SLCO4A1: variants seen among roughly 807,000 people sequenced by gnomAD.
The protein encoded by SLCO4A1 is colon organic anion transporter.
SLCO4A1 carries 51 observed loss-of-function variants against 64.6 expected under a neutral mutation model. That is an observed-to-expected ratio of 0.79 (90% CI 0.63 to 1.00). The LOEUF (loss-of-function observed/expected upper bound fraction) is 1.00. Among genes scored for constraint, SLCO4A1 ranks in the 50% least tolerant of loss-of-function variants. The probability of loss-of-function intolerance (pLI) is 0.00; values close to 1 mark genes in which losing one functional copy is unlikely to be tolerated. For synonymous variants in SLCO4A1, 471 were observed against 444.9 expected (o/e 1.06, Z -0.74); for missense variants, 919 against 980.5 (o/e 0.94, Z 0.84).
At chr20:62,682,183 CTT>C (rs1214390906) in intron 2 of SLCO4A1, among the ~76,000 whole-genome samples, 1 of 152,206 alleles carries the variant, frequency 6.6e-6, no homozygotes, top group African/African-American at 2.4e-5. Flanking sequence ...GCAGATAACT[CTT>C]CAGTTCACAG....
intron 3 of SLCO4A1, 33 bp from the exon 4 acceptor site, chr20:62,660,379 A>G (rs1381853864): frequency 1.3e-6 from 2 of 1,593,328 alleles, no homozygotes; most frequent in Non-Finnish European, 1.7e-6. Context: ...GGTGGGCTGC[A>G]CGCTGACCCA....
chr20:62,672,629 C>G (rs887370332), downstream of SLCO4A1: 4 of 152,212 alleles, frequency 2.6e-5, no homozygotes, highest in East Asian at 7.7e-4. Flanking sequence ...GTTACATTTC[C>G]CTCGTTATTC....
At chr20:62,660,955 C>A in intron 4 of SLCO4A1, 109 bp from the exon 5 acceptor site, 2 of 751,194 alleles carry the variant, frequency 2.7e-6, no homozygotes, top group Non-Finnish European at 2.2e-6. Flanking sequence ...CAGACAGTGA[C>A]GTTCCCAGAC....
intron 11 of SLCO4A1, among the ~76,000 whole-genome samples, chr20:62,669,425 G>A (rs2147104976): frequency 6.6e-6 from 1 of 152,372 alleles, no homozygotes; most frequent in African/African-American, 2.4e-5. Context: ...GAAATAAGAA[G>A]TGGCTGCTCC....
At position 62,661,104 on chromosome 20, in the gene SLCO4A1, C is replaced by G. The variant is rs1169402873; in HGVS notation, c.1050C>G (p.His350Gln). The G allele has an allele frequency of 6.7e-7, 1 of 1,489,090 alleles. No homozygotes were observed. The highest frequency in any genetic ancestry group is 9.1e-7 in the Non-Finnish European group (1 of 1,100,730). The allele number at this position is 1,489,090 out of a possible 1,614,324, so 92.2% of individuals were successfully genotyped here. The change falls in exon 5 of 12, where the codon CAC becomes CAG. Residue 350 changes from histidine to glutamine, a missense_variant. Transcript: ENST00000217159. The surrounding 1 kb of genome is among the most constrained non-coding windows in gnomAD (Gnocchi z 5.2). ...RYAVMRAAEM[H>Q]QLKDSSRGEA... is the part of the protein sequence containing the mutation. ...CGGTCATGAGAGCGGCGGAAATGCACCAGTTGAAGGACAGCAGCCGTGGGG... is the reference window on the plus strand; with the variant it reads ...CGGTCATGAGAGCGGCGGAAATGCAGCAGTTGAAGGACAGCAGCCGTGGGG...
intron 1 of SLCO4A1, 35 bp downstream of exon 1, chr20:62,642,588 G>T: frequency 5.2e-6 from 1 of 190,688 alleles, no homozygotes; most frequent in Non-Finnish European, 1.1e-5. Flanking sequence ...TGGCGCGGGT[G>T]CACAGGGCCC....
chr20:62,684,415 C>T lies in SLCO4A1; in HGVS notation n.212-1026C>T, dbSNP rs879461882. Among the ~76,000 whole-genome samples, 7 of 152,310 alleles carry T rather than the reference C, an allele frequency of 4.6e-5. No individual in the cohort carries two copies. In the South Asian group the frequency reaches 8.3e-4, roughly 18 times the overall value. ...CCGAGGCACAAGGAGCTGATTGGCCCGTGATGGCCTCAGAGCTCATCAGCC... is the reference window on the plus strand; with the variant it reads ...CCGAGGCACAAGGAGCTGATTGGCCTGTGATGGCCTCAGAGCTCATCAGCC... On this transcript the variant is annotated intron_variant and non_coding_transcript_variant, in intron 2 of 2. Coordinates refer to the SLCO4A1 transcript ENST00000466818.
chr20:62,685,492 T>C lies in SLCO4A1; in HGVS notation n.263T>C. ...GTAAACCCCATCTGAGCCTTACACA[T>C]AGATCTCCTTGAATTGGATTTTCAC... is the stretch of plus-strand genomic sequence containing the variant. On this transcript the variant is annotated non_coding_transcript_exon_variant, in exon 3 of 3. Transcript: ENST00000466818. The surrounding 1 kb of genome is among the most constrained non-coding windows in gnomAD (Gnocchi z 4.6). The C allele has an allele frequency of 4.1e-6, 4 of 972,500 alleles. No individual in the cohort carries two copies. Among genetic ancestry groups the C allele is most frequent in the Non-Finnish European group, 4.9e-6 (4 of 818,122 alleles). 60.2% of individuals were successfully genotyped at this position (972,500 alleles called of 1,614,324 possible). A position where few individuals can be genotyped will look rare whatever the true frequency, so the allele number is the denominator to read the frequency against.
chr20:62,642,949 G>A, intron 1 of SLCO4A1: 1 of 464,956 alleles, frequency 2.2e-6, no homozygotes, highest in South Asian at 1.6e-5. Flanking sequence ...GCAGGCGCAG[G>A]CCCCACAGAT....
At chr20:62,660,319 G>A (rs1984524938) in intron 3 of SLCO4A1, 93 bp from the exon 4 acceptor site, 3 of 1,480,016 alleles carry the variant, frequency 2.0e-6, no homozygotes, top group Non-Finnish European at 2.7e-6. Flanking sequence ...CTGGAGGTCT[G>A]CCCGGAGGAG....
At chr20:62,658,228 C>T (rs182965435) in intron 2 of SLCO4A1, among the ~76,000 whole-genome samples, 1 of 152,234 alleles carries the variant, frequency 6.6e-6, no homozygotes, top group Non-Finnish European at 1.5e-5. Flanking sequence ...AGAACCCAGG[C>T]GGGTGTTGAG....
chr20:62,661,911 C>T lies in SLCO4A1; in HGVS notation c.1121+736C>T, dbSNP rs1295469887. On this transcript the variant is annotated intron_variant, in intron 5 of 11. Transcript: ENST00000217159. The surrounding 1 kb of genome is among the most constrained non-coding windows in gnomAD (Gnocchi z 5.2). ...TCCCGGCCTCTCCTGGGGATCATGC[C>T]TTCCCTGGGGGGCTCTCCCCAGGGC... Among the ~76,000 whole-genome samples the T allele has an allele frequency of 1.3e-5, 2 of 152,192 alleles. No homozygotes were observed. The highest frequency in any genetic ancestry group is 2.0e-4 in the East Asian group (1 of 5,122).
chr20:62,684,687 T>C (rs1212988111), intron 2 of SLCO4A1, among the ~76,000 whole-genome samples: 1 of 151,434 alleles, frequency 6.6e-6, no homozygotes, highest in African/African-American at 2.4e-5. Flanking sequence ...ACTCCCTCCC[T>C]CAAGTTTCCT....
chr20:62,669,278 G>A (rs1986909732), intron 11 of SLCO4A1, among the ~76,000 whole-genome samples, 200 bp downstream of exon 11: 2 of 152,194 alleles, frequency 1.3e-5, no homozygotes, highest in South Asian at 2.1e-4. Context: ...CCTCCTCCTG[G>A]GGTTCACTGT....
intron 3 of SLCO4A1, among the ~76,000 whole-genome samples, chr20:62,659,224 C>T (rs563053958): frequency 6.6e-6 from 1 of 152,176 alleles, no homozygotes; most frequent in South Asian, 2.1e-4. Context: ...GATAGAGATA[C>T]AGAGGGACAG....
chr20:62,681,551 A>T (rs2427376), intron 2 of SLCO4A1, among the ~76,000 whole-genome samples: 1 of 146,968 alleles, frequency 6.8e-6, no homozygotes, highest in South Asian at 2.2e-4. Flanking sequence ...TGTGTATTAA[A>T]CCGTGTGTAC....
intron 7 of SLCO4A1, 126 bp from the exon 8 acceptor site, chr20:62,667,619 C>A: frequency 8.4e-7 from 1 of 1,188,444 alleles, no homozygotes; most frequent in Non-Finnish European, 1.2e-6. Flanking sequence ...GCGGTGCAAG[C>A]TTGGCAAGTT....
intron 11 of SLCO4A1, among the ~76,000 whole-genome samples, chr20:62,670,800 G>A (rs1987109744): frequency 6.6e-6 from 1 of 152,230 alleles, no homozygotes; most frequent in South Asian, 2.1e-4. Context: ...TGTAGCGGGG[G>A]AGCACACGGT....
intron 1 of SLCO4A1, chr20:62,643,244 G>A (rs563792260): frequency 7.9e-5 from 27 of 340,320 alleles, no homozygotes; most frequent in African/African-American, 5.9e-4. Flanking sequence ...GGTGCAGGCA[G>A]AGGGTCGGGT....
Sources: gnomAD v4.1 joint callset for allele counts (sites outside exome capture counted in the v4.1 genomes callset) on GRCh38, gnomAD v4.1.1 for gene constraint, Gnocchi (gnomAD v3.1) non-coding constraint, MANE v1.5 for transcripts, NCBI Gene and HGNC (gene_info 2026-07-23, HGNC 2026-07-21) for gene names.